MOSPD2: variants seen among roughly 807,000 people sequenced by gnomAD.
MOSPD2 encodes the protein motile sperm domain-containing protein 2.
MOSPD2 carries 5 observed loss-of-function variants against 41.7 expected under a neutral mutation model. The observed-to-expected ratio is 0.12, with a 90% confidence interval of 0.06 to 0.25. The LOEUF is 0.25. Among genes scored for constraint, MOSPD2 ranks in the 10% least tolerant of loss-of-function variants. The pLI is 1.00. For synonymous variants in MOSPD2, 115 were observed against 126.9 expected, an observed-to-expected ratio of 0.91 and a Z score of 0.63; for missense variants, 282 against 375.2, an observed-to-expected ratio of 0.75 and a Z score of 2.05.
intron 13 of MOSPD2, 146 bp from the exon 14 acceptor site, chrX:14,918,534 A>C: frequency 4.7e-6 from 2 of 428,738 alleles, no homozygotes; most frequent in South Asian, 8.5e-5. Flanking sequence ...ACACAGAGCA[A>C]CTGTCTTAGG....
chrX:14,885,783 C>T (rs2092540104), intron 2 of MOSPD2, among the ~76,000 whole-genome samples: 1 of 110,351 alleles, frequency 9.1e-6, no homozygotes, highest in African/African-American at 3.3e-5. Flanking sequence ...AAAACTGAAG[C>T]GAATAACTTA....
chrX:14,887,977 A>G (rs757561033), intron 2 of MOSPD2, among the ~76,000 whole-genome samples: 8 of 111,229 alleles, frequency 7.2e-5, no homozygotes, highest in South Asian at 3.8e-4. Context: ...TATTAGAACA[A>G]ATAAATAGTA....
intron 7 of MOSPD2, among the ~76,000 whole-genome samples, chrX:14,904,023 C>T (rs1473685937): frequency 1.8e-5 from 2 of 111,716 alleles, no homozygotes; most frequent in Admixed American, 1.9e-4. Context: ...AAACTTCCCA[C>T]GAAGAAAAGC....
intron 2 of MOSPD2, among the ~76,000 whole-genome samples, chrX:14,886,476 G>A (rs1028285539): frequency 9.2e-6 from 1 of 108,852 alleles, no homozygotes; most frequent in Non-Finnish European, 1.9e-5. Flanking sequence ...TGACCCTTGA[G>A]CCGAGCCTTT....
At chrX:14,880,226 T>C (rs1045076099) in intron 2 of MOSPD2, among the ~76,000 whole-genome samples, 6 of 111,295 alleles carry the variant, frequency 5.4e-5, no homozygotes, top group Non-Finnish European at 1.1e-4. Flanking sequence ...TCTTTTGTTA[T>C]ATTTCTTCCC....
chrX:14,915,844 A>G, intron 12 of MOSPD2, 80 bp downstream of exon 12: 1 of 819,447 alleles, frequency 1.2e-6, no homozygotes, highest in South Asian at 2.2e-5. Context: ...CTGAGTCAGC[A>G]GAGATGTCAG....
At chrX:14,894,194 T>C (rs1463505260) in intron 3 of MOSPD2, among the ~76,000 whole-genome samples, 1 of 109,447 alleles carries the variant, frequency 9.1e-6, no homozygotes, top group Non-Finnish European at 1.9e-5. Context: ...TGCAGTGTTG[T>C]GATCATAGCT....
chrX:14,893,712 T>C (rs944170769), intron 3 of MOSPD2, among the ~76,000 whole-genome samples: 1 of 112,656 alleles, frequency 8.9e-6, no homozygotes, highest in African/African-American at 3.2e-5. Flanking sequence ...CTCTTCATGC[T>C]TGCAGAAGGA....
chrX:14,909,243 A>G (rs1267047709), intron 8 of MOSPD2, among the ~76,000 whole-genome samples: 2 of 111,867 alleles, frequency 1.8e-5, no homozygotes, highest in Non-Finnish European at 3.8e-5. Context: ...CAGTAAAAAT[A>G]TCACCTCCTA....
rs1181485407 is a variant in MOSPD2, at chrX:14,922,062, A to T, written c.*2253A>T. The T allele has an allele frequency of 9.0e-6, 1 of 111,225 alleles. No individual in the cohort carries two copies. Among genetic ancestry groups the T allele is most frequent in the African/African-American group, 3.3e-5 (1 of 30,633 alleles). The allele number at this position is 111,225 out of a possible 1,213,427, so 9.2% of individuals were successfully genotyped here. A position where few individuals can be genotyped will look rare whatever the true frequency, so the allele number is the denominator to read the frequency against. ...TAAACCTGGCCTCAAATTTCATACT[A>T]CCATAACTGTTTTTATATATTGCCA... On this transcript the variant is annotated 3_prime_UTR_variant, in exon 15 of 15. Coordinates refer to ENST00000380492, the MANE Select transcript of MOSPD2 (RefSeq NM_152581.4).
intron 5 of MOSPD2, 90 bp from the exon 6 acceptor site, chrX:14,900,485 C>A: frequency 2.6e-6 from 1 of 390,450 alleles, no homozygotes; most frequent in South Asian, 6.9e-5. Context: ...ATAATTGTCT[C>A]ACTTGTATTT....
chrX:14,901,171 T>A (rs1415752946), intron 6 of MOSPD2, among the ~76,000 whole-genome samples: 1 of 111,927 alleles, frequency 8.9e-6, no homozygotes. Flanking sequence ...GTTTGTTTTT[T>A]ATTGTGACTA....
chrX:14,915,545 A>G (rs1373867117), intron 11 of MOSPD2, 123 bp from the exon 12 acceptor site: 1 of 289,828 alleles, frequency 3.5e-6, no homozygotes, highest in Admixed American at 6.5e-5. Flanking sequence ...TAAAACTTAA[A>G]GTATAATAAA....
chrX:14,919,569 C>T, intron 14 of MOSPD2, 103 bp from the exon 15 acceptor site: 2 of 627,390 alleles, frequency 3.2e-6, no homozygotes, highest in Non-Finnish European at 2.5e-6. Flanking sequence ...AGTAGTGGGC[C>T]CCATCCTTTC....
At chrX:14,886,549 G>A (rs780804484) in intron 2 of MOSPD2, among the ~76,000 whole-genome samples, 27 of 98,075 alleles carry the variant, frequency 2.8e-4, no homozygotes, top group African/African-American at 9.0e-4. Context: ...ACACACACGA[G>A]AGAGAGAGAG....
chrX:14,878,793 A>G (rs1279002465), intron 2 of MOSPD2, among the ~76,000 whole-genome samples: 3 of 111,817 alleles, frequency 2.7e-5, no homozygotes, highest in African/African-American at 6.5e-5. Flanking sequence ...TGGTGTGCCA[A>G]CAGTTTACTA....
chrX:14,886,223 T>C (rs113378026), intron 2 of MOSPD2, among the ~76,000 whole-genome samples: 3,359 of 111,372 alleles, frequency 0.03, 99 homozygotes, highest in African/African-American at 0.09. Context: ...TTGTAGATAG[T>C]GTGCTTATGC....
chrX:14,888,874 G>C (rs753215308), intron 2 of MOSPD2, among the ~76,000 whole-genome samples: 3 of 110,982 alleles, frequency 2.7e-5, no homozygotes, highest in African/African-American at 9.9e-5. Flanking sequence ...GTCTTAGTCC[G>C]TTCTGTGATG....
chrX:14,916,290 G>T lies in MOSPD2; in HGVS notation c.1280G>T (p.Trp427Leu). ...GGCCCAGCAGAATTAACTCAGTTTT[G>T]GAAAGAAGTTCCCAGAAACAAAGTG... is the stretch of plus-strand genomic sequence containing the variant. ...GTGPAELTQFWKEVPRNKVME... is the reference protein window; with the variant it reads ...GTGPAELTQFLKEVPRNKVME... The change falls in exon 13 of 15, where the codon TGG becomes TTG. Residue 427 changes from tryptophan (W) to leucine (L), a missense_variant. Around this residue, in one of 3 missense-constraint regions of MOSPD2, gnomAD observed 94 missense variants for 102.1 expected, o/e 0.92. Coordinates refer to ENST00000380492, the MANE Select transcript of MOSPD2 (RefSeq NM_152581.4). The T allele has an allele frequency of 8.3e-7, 1 of 1,211,594 alleles. No homozygotes were observed. The highest frequency in any genetic ancestry group is 1.1e-6 in the Non-Finnish European group (1 of 895,346).
Sources: allele counts gnomAD v4.1 joint callset (sites outside exome capture counted in the v4.1 genomes callset), GRCh38; gene constraint gnomAD v4.1.1; regional missense constraint gnomAD v4.1.1; transcripts MANE v1.5; gene names NCBI Gene and HGNC (gene_info 2026-07-23, HGNC 2026-07-21).